HDAC9: variants seen among roughly 807,000 people sequenced by gnomAD.
The protein encoded by HDAC9 is histone deacetylase 9.
In HDAC9, 41 loss-of-function variants were observed where a neutral mutation model predicts 139.4. That is an observed-to-expected ratio of 0.29 (90% confidence interval 0.23 to 0.38). The LOEUF (loss-of-function observed/expected upper bound fraction) is 0.38. HDAC9 is among the 10% of genes least tolerant of loss of function. HDAC9 has a pLI of 1.00. For synonymous variants in HDAC9, 517 were observed against 476.2 expected (o/e 1.09, Z -1.12); for missense variants, 1,147 against 1,297.0 (o/e 0.88, Z 1.78).
chr7:18,415,541 T>C (rs528114128), intron 1 of HDAC9, among the ~76,000 whole-genome samples: 2 of 152,352 alleles, frequency 1.3e-5, no homozygotes, highest in African/African-American at 4.8e-5. Context: ...CTAACATAAT[T>C]ATCTTTTTGG....
At chr7:18,435,901 T>G (rs1791152614) in intron 1 of HDAC9, among the ~76,000 whole-genome samples, 2 of 148,334 alleles carry the variant, frequency 1.3e-5, no homozygotes, top group South Asian at 4.2e-4. Flanking sequence ...ATATATATAA[T>G]AAAATATATA....
At chr7:18,772,666 C>G (rs1267603551) in intron 16 of HDAC9, among the ~76,000 whole-genome samples, 4 of 152,008 alleles carry the variant, frequency 2.6e-5, no homozygotes, top group Admixed American at 2.6e-4. Context: ...TAGAATCTCT[C>G]TTTTTTATAT....
At chr7:18,392,481 C>T (rs888798747) in intron 1 of HDAC9, among the ~76,000 whole-genome samples, 3 of 151,568 alleles carry the variant, frequency 2.0e-5, no homozygotes, top group Non-Finnish European at 4.4e-5. Flanking sequence ...TGTTAAAATC[C>T]GTTACTGGTA....
chr7:18,533,343 TC>T (rs1472698609), intron 2 of HDAC9, among the ~76,000 whole-genome samples: 3 of 152,212 alleles, frequency 2.0e-5, no homozygotes, highest in African/African-American at 7.2e-5. Flanking sequence ...TTTTGCGTAA[TC>T]CTCTCTTTCT....
At chr7:18,385,274 C>T (rs1785810758) in intron 1 of HDAC9, among the ~76,000 whole-genome samples, 1 of 152,016 alleles carries the variant, frequency 6.6e-6, no homozygotes, top group Non-Finnish European at 1.5e-5. Flanking sequence ...TGTTTTAAGA[C>T]TGTTAATGAT....
intron 16 of HDAC9, among the ~76,000 whole-genome samples, chr7:18,786,981 G>A (rs1791880397): frequency 6.6e-6 from 1 of 151,794 alleles, no homozygotes; most frequent in African/African-American, 2.4e-5. Flanking sequence ...CAGAAAATGT[G>A]CTTCCTTCCC....
chr7:18,819,968 GA>G (rs1209446887), intron 17 of HDAC9, among the ~76,000 whole-genome samples: 1 of 151,948 alleles, frequency 6.6e-6, no homozygotes, highest in Non-Finnish European at 1.5e-5. Context: ...TTATTATGTA[GA>G]AAAAAATCTA....
At chr7:18,603,356 T>C (rs1834505155) in intron 6 of HDAC9, among the ~76,000 whole-genome samples, 1 of 152,092 alleles carries the variant, frequency 6.6e-6, no homozygotes, top group Non-Finnish European at 1.5e-5. Context: ...TCATTATATT[T>C]ACTTTTTTAA....
chr7:18,574,511 G>C (rs569860941), intron 2 of HDAC9, among the ~76,000 whole-genome samples: 1 of 152,306 alleles, frequency 6.6e-6, no homozygotes, highest in African/African-American at 2.4e-5. Flanking sequence ...CAGGATTTTG[G>C]CTGTCCCTGG....
intron 1 of HDAC9, among the ~76,000 whole-genome samples, chr7:18,478,034 A>C (rs1342385142): frequency 6.6e-6 from 1 of 152,092 alleles, no homozygotes; most frequent in Non-Finnish European, 1.5e-5. Flanking sequence ...GATTCCTTAA[A>C]GCACCAATCA....
chr7:18,323,526 G>A (rs929824467), intron 1 of HDAC9, among the ~76,000 whole-genome samples: 1 of 152,068 alleles, frequency 6.6e-6, no homozygotes, highest in African/African-American at 2.4e-5. Flanking sequence ...AGAATCCTCA[G>A]GGGATTTTTA....
intron 2 of HDAC9, among the ~76,000 whole-genome samples, chr7:18,532,743 G>T (rs1378689305): frequency 6.6e-6 from 1 of 151,454 alleles, no homozygotes; most frequent in Non-Finnish European, 1.5e-5. Flanking sequence ...GAAAATAGCA[G>T]TTCTCTACTC....
chr7:18,649,339 G>T (rs1222973308), intron 11 of HDAC9, among the ~76,000 whole-genome samples: 2 of 152,018 alleles, frequency 1.3e-5, no homozygotes, highest in African/African-American at 2.4e-5. Context: ...CTATGAATTC[G>T]TAAGCAAAAT....
chr7:18,380,188 C>G (rs1364031338), intron 1 of HDAC9, among the ~76,000 whole-genome samples: 1 of 151,852 alleles, frequency 6.6e-6, no homozygotes, highest in Non-Finnish European at 1.5e-5. Flanking sequence ...CAAAGTGACA[C>G]AATAAGATTA....
At chr7:18,893,952 A>C (rs1585244894) in intron 22 of HDAC9, among the ~76,000 whole-genome samples, 2 of 152,220 alleles carry the variant, frequency 1.3e-5, no homozygotes, top group Non-Finnish European at 2.9e-5. Flanking sequence ...ACAGTGCCAA[A>C]GGAAGAAGAA....
At chr7:18,535,089 A>G (rs1563182578) in intron 2 of HDAC9, among the ~76,000 whole-genome samples, 1 of 152,118 alleles carries the variant, frequency 6.6e-6, no homozygotes, top group Non-Finnish European at 1.5e-5. Flanking sequence ...TTCTCCTTTC[A>G]GTGGGGCTGT....
chr7:18,901,575 A>G (rs965637674), intron 22 of HDAC9, among the ~76,000 whole-genome samples: 2 of 152,176 alleles, frequency 1.3e-5, no homozygotes, highest in South Asian at 4.1e-4. Flanking sequence ...ATGAATCTCT[A>G]TGATTATGGA....
In HDAC9 at chr7:18,853,844, A is replaced by G. The variant is rs73320007; in HGVS notation, c.2684+17847A>G. On this transcript the variant is annotated intron_variant, in intron 21 of 25. Coordinates refer to ENST00000686413, the MANE Select transcript of HDAC9 (RefSeq NM_178425.4). ...TGAATACATTTTAAAAAATTAGTTG[A>G]TTGGCATTTTTCTCAGAAGTTACCT... is the stretch of plus-strand genomic sequence containing the variant. 3.5e-3 allele frequency among the ~76,000 whole-genome samples: 537 copies of G among 152,286 alleles called. 7 individuals are homozygous for G. Among genetic ancestry groups the G allele is most frequent in the African/African-American group, 0.012 (513 of 41,586 alleles).
At chr7:18,510,246 C>A (rs1039565122) in intron 2 of HDAC9, among the ~76,000 whole-genome samples, 6 of 152,170 alleles carry the variant, frequency 3.9e-5, no homozygotes, top group Middle Eastern at 3.4e-3. Flanking sequence ...TGGGAATATT[C>A]TTATTTGATG....
Sources: allele counts gnomAD v4.1 joint callset (sites outside exome capture counted in the v4.1 genomes callset), GRCh38; gene constraint gnomAD v4.1.1; transcripts MANE v1.5; gene names NCBI Gene and HGNC (gene_info 2026-07-23, HGNC 2026-07-21).